PPP6R2: variants seen among roughly 807,000 people sequenced by gnomAD.
The protein encoded by PPP6R2 is protein phosphatase 6 regulatory subunit 2.
A neutral mutation model predicts 100.2 loss-of-function variants in PPP6R2; 62 were observed. The observed-to-expected ratio is 0.62, with a 90% CI of 0.50 to 0.76. The LOEUF is 0.76. Ranked by LOEUF, PPP6R2 falls within the 30% of genes least tolerant of loss-of-function variation. PPP6R2 has a pLI of 0.00. For missense variants in PPP6R2, 1,142 were observed against 1,276.3 expected (o/e 0.89, Z 1.60); for synonymous variants, 525 against 514.7 (o/e 1.02, Z -0.27).
intron 7 of PPP6R2, 33 bp downstream of exon 7, chr22:50,419,012 C>T (rs754642810): frequency 4.3e-5 from 67 of 1,545,460 alleles, no homozygotes; most frequent in Non-Finnish European, 5.8e-5. Context: ...GCTGGTGGGC[C>T]TCCCTTTCTG....
chr22:50,337,928 G>A, the PPP6R2 span, among the ~76,000 whole-genome samples: 1 of 136,058 alleles, frequency 7.3e-6, no homozygotes, highest in Non-Finnish European at 1.6e-5. Flanking sequence ...GTGGTGTGTG[G>A]GGTGTGTGCA....
intron 10 of PPP6R2, among the ~76,000 whole-genome samples, chr22:50,429,981 C>T (rs971276468): frequency 1.3e-5 from 2 of 151,998 alleles, no homozygotes; most frequent in Non-Finnish European, 2.9e-5. Context: ...AGCCCAAGCT[C>T]GAATCCTGGT....
At chr22:50,343,182 G>A (rs1001317616), upstream of PPP6R2, 11 of 151,772 alleles carry the variant, frequency 7.2e-5, 1 homozygote, top group East Asian at 7.8e-4. Flanking sequence ...CTCCCACGCG[G>A]GTTTCACCGA....
In PPP6R2 at chr22:50,373,191, T is replaced by C. The variant is rs76028323; in HGVS notation, c.-17+1041T>C. On this transcript the variant is annotated intron_variant, in intron 2 of 23. Transcript: ENST00000612753. The stretch of plus-strand genomic sequence containing the variant: ...AAGATACTCTTACGAGGCTCTTCCA[T>C]TGCAGTTCAGTGAGATGCTGGATAA... 6.9e-3 allele frequency among the ~76,000 whole-genome samples: 1,049 copies of C among 152,150 alleles called. 3 individuals carry two copies. The highest frequency in any genetic ancestry group is 0.01 in the Non-Finnish European group (692 of 67,998).
intron 10 of PPP6R2, among the ~76,000 whole-genome samples, chr22:50,430,952 C>G (rs1033222338): frequency 4.0e-5 from 6 of 151,806 alleles, no homozygotes; most frequent in Non-Finnish European, 8.8e-5. Flanking sequence ...CCAACAGACA[C>G]CCACAGGCAG....
intron 10 of PPP6R2, among the ~76,000 whole-genome samples, chr22:50,427,988 G>A (rs2062493333): frequency 6.6e-6 from 1 of 152,182 alleles, no homozygotes; most frequent in Non-Finnish European, 1.5e-5. Context: ...CCAAAGTGCT[G>A]GGATTATAGG....
At chr22:50,340,790 G>C (rs543210839), upstream of PPP6R2, among the ~76,000 whole-genome samples, 2 of 152,044 alleles carry the variant, frequency 1.3e-5, no homozygotes, top group Admixed American at 1.3e-4. Flanking sequence ...CCATGAGCAA[G>C]GGGAGTAGGA....
At chr22:50,352,856 C>G (rs906929574) in intron 1 of PPP6R2, among the ~76,000 whole-genome samples, 1 of 152,018 alleles carries the variant, frequency 6.6e-6, no homozygotes, top group Non-Finnish European at 1.5e-5. Context: ...CGCTTGAGCT[C>G]GGGAGTTTGA....
intron 10 of PPP6R2, among the ~76,000 whole-genome samples, chr22:50,426,040 A>C (rs969275278): frequency 6.6e-6 from 1 of 151,592 alleles, no homozygotes; most frequent in Non-Finnish European, 1.5e-5. Context: ...GTAACCTTGA[A>C]CTCCTGGGCT....
intron 3 of PPP6R2, among the ~76,000 whole-genome samples, chr22:50,404,812 T>C (rs1335427719): frequency 6.6e-6 from 1 of 152,166 alleles, no homozygotes; most frequent in African/African-American, 2.4e-5. Flanking sequence ...ACAGGCCTGT[T>C]CTGAGACAGC....
Position 50,439,710 on chromosome 22 carries a change from G to A in PPP6R2, c.2138G>A (p.Trp713Ter). ...GTCTCTCCCCCAGCAGGCGCCATGTGGACGGCAGTGTTTGATGAGCCAGCG... is the reference window on the plus strand; with the variant it reads ...GTCTCTCCCCCAGCAGGCGCCATGTAGACGGCAGTGTTTGATGAGCCAGCG... Reference protein sequence around the residue: ...PVEGDSEGAMWTAVFDEPANS... With the variant: ...PVEGDSEGAM The change falls in exon 20 of 24, where the codon TGG becomes TAG. Residue 713 changes from tryptophan (W) to a stop codon, truncating the protein, a stop_gained. Transcript: ENST00000612753. LOFTEE classifies it high-confidence loss of function. 1 of 1,598,554 alleles carries A rather than the reference G, an allele frequency of 6.3e-7. No individual in the cohort carries two copies. The highest frequency in any genetic ancestry group is 1.1e-5 in the South Asian group (1 of 88,964).
intron 1 of PPP6R2, among the ~76,000 whole-genome samples, chr22:50,359,011 CTT>C (rs1321387738): frequency 4.3e-5 from 5 of 115,792 alleles, no homozygotes; most frequent in East Asian, 3.0e-4. Flanking sequence ...CCCCCCAACT[CTT>C]TTTTTGAGAC....
intron 18 of PPP6R2, 47 bp from the exon 19 acceptor site, chr22:50,438,552 G>C (rs1206328670): frequency 1.3e-6 from 2 of 1,598,970 alleles, no homozygotes; most frequent in East Asian, 4.5e-5. Flanking sequence ...CTCCATGTTA[G>C]GCGTCCGTCC....
chr22:50,352,751 A>AC (rs916852262), intron 1 of PPP6R2, among the ~76,000 whole-genome samples: 11 of 151,476 alleles, frequency 7.3e-5, no homozygotes, highest in Non-Finnish European at 1.3e-4. Flanking sequence ...AAAAAAAAAA[A>AC]ACACACAAAA....
At chr22:50,358,013 G>A (rs1003919422) in intron 1 of PPP6R2, among the ~76,000 whole-genome samples, 2 of 151,816 alleles carry the variant, frequency 1.3e-5, no homozygotes, top group African/African-American at 4.8e-5. Flanking sequence ...GTGCAGTGGC[G>A]TGATCGTGGC....
chr22:50,418,509 A>C (rs6520168), intron 6 of PPP6R2, among the ~76,000 whole-genome samples: 50,524 of 151,298 alleles, frequency 0.33, 8,934 homozygotes, highest in East Asian at 0.66. Context: ...CCCTCAGCCA[A>C]CCGAGTAGCT....
At chr22:50,438,064 G>T (rs1271347540) in intron 17 of PPP6R2, 110 bp from the exon 18 acceptor site, 5 of 1,515,576 alleles carry the variant, frequency 3.3e-6, no homozygotes, top group Non-Finnish European at 4.5e-6. Flanking sequence ...CTCCCCTCCA[G>T]CCCGGGGCTC....
chr22:50,441,162 C>T (rs1236161939), intron 22 of PPP6R2, 136 bp downstream of exon 22: 1 of 810,632 alleles, frequency 1.2e-6, no homozygotes, highest in Non-Finnish European at 1.9e-6. Flanking sequence ...CCCCATGGCC[C>T]CGTGACCCTT....
intron 2 of PPP6R2, among the ~76,000 whole-genome samples, chr22:50,388,649 A>T (rs1210872510): frequency 6.6e-6 from 1 of 152,056 alleles, no homozygotes; most frequent in Admixed American, 6.6e-5. Flanking sequence ...CGAGGCGGGC[A>T]GATCACAAGG....
Sources: gnomAD v4.1 joint callset for allele counts (sites outside exome capture counted in the v4.1 genomes callset) on GRCh38, gnomAD v4.1.1 for gene constraint, MANE v1.5 for transcripts, NCBI Gene and HGNC (gene_info 2026-07-23, HGNC 2026-07-21) for gene names.